The following NOM1 variants were observed in gnomAD, a reference collection of about 807,000 sequenced individuals.
The protein encoded by NOM1 is nucleolar MIF4G domain-containing protein 1.
NOM1 carries 58 observed loss-of-function variants against 73.3 expected under a neutral mutation model. The ratio of observed to expected loss-of-function variants is 0.79; its 90% CI spans 0.64 to 0.99. The LOEUF is 0.99. NOM1 is among the 50% of genes least tolerant of loss of function. NOM1 has a pLI of 0.00. For synonymous variants in NOM1, 487 were observed against 446.8 expected (o/e 1.09, Z -1.14); for missense variants, 1,226 against 1,131.9 (o/e 1.08, Z -1.19).
At chr7:156,965,451 G>A (rs1440119679) in intron 7 of NOM1, among the ~76,000 whole-genome samples, 1 of 152,248 alleles carries the variant, frequency 6.6e-6, no homozygotes, top group African/African-American at 2.4e-5. Context: ...AGGGACAGAA[G>A]CAGATTAGCA....
In NOM1 at chr7:156,949,800, C is replaced by T. The variant is rs1356960717; in HGVS notation, c.63C>T (p.Arg21=). ...GCGGCTCCCAGGGACGCGTGGTCCG[C>T]ATGAAGCGCAGAGGCGGGCGCGGGC... ...GPGGSQGRVV[R]MKRRGGRGPR... Residue 21 remains arginine (R), a synonymous_variant, in exon 1 of 11, where the codon CGC becomes CGT. Transcript: ENST00000275820. 2.1e-6 allele frequency: 3 copies of T among 1,431,142 alleles called. No homozygotes were observed. The highest frequency in any genetic ancestry group is 1.5e-5 in the African/African-American group (1 of 67,206). 88.7% of individuals were successfully genotyped at this position (1,431,142 alleles called of 1,614,324 possible). A position where few individuals can be genotyped will look rare whatever the true frequency, so the allele number is the denominator to read the frequency against.
Position 156,959,863 on chromosome 7 carries a change from T to G in NOM1, c.1321T>G (p.Phe441Val), listed in dbSNP as rs375611025. ...GTGGTTCTTTCAGGTCGGTGCCCAC[T>G]TTCTGGAGGCAGTGGTGAGGAAGTT... ...HTVGIEVGAH[F>V]LEAVVRKFDA... The change falls in exon 4 of 11, where the codon TTT becomes GTT. Residue 441 changes from phenylalanine (F) to valine (V), a missense_variant. Coordinates refer to ENST00000275820, the MANE Select transcript of NOM1 (RefSeq NM_138400.2). 53 of 1,614,162 alleles carry G rather than the reference T, an allele frequency of 3.3e-5. No homozygotes were observed. In the Middle Eastern group the frequency reaches 4.3e-3, roughly 131 times the overall value.
intron 3 of NOM1, among the ~76,000 whole-genome samples, chr7:156,958,045 G>A (rs1292563159): frequency 3.3e-5 from 5 of 152,204 alleles, no homozygotes; most frequent in Non-Finnish European, 7.3e-5. Flanking sequence ...AAGTCACTGT[G>A]GCCTCCCGCC....
intron 10 of NOM1, 51 bp downstream of exon 10, chr7:156,969,247 G>A (rs1046167331): frequency 8.9e-6 from 9 of 1,008,216 alleles, no homozygotes; most frequent in African/African-American, 3.2e-5. Context: ...TGAAGAGATT[G>A]TTTTCACTTG....
rs762681963 is a variant in NOM1 at position 156,959,948 on chromosome 7, T to C, written c.1406T>C (p.Ile469Thr). 2 of 1,613,578 alleles carry C rather than the reference T, an allele frequency of 1.2e-6. No individual in the cohort carries two copies. The change falls in exon 4 of 11, where the codon ATT becomes ACT. Residue 469 changes from isoleucine to threonine, a missense_variant. Ile to Thr is a moderately conservative substitution (Grantham distance 89, BLOSUM62 -1). Coordinates refer to ENST00000275820, the MANE Select transcript of NOM1 (RefSeq NM_138400.2). ...GAGTGTGACAACCTGTTCACCGTCATTGCCCATTTATACAACTTCCACGTG... is the reference window on the plus strand; with the variant it reads ...GAGTGTGACAACCTGTTCACCGTCACTGCCCATTTATACAACTTCCACGTG... ...GKECDNLFTV[I>T]AHLYNFHVVQ... is the part of the protein sequence containing the mutation.
intron 4 of NOM1, among the ~76,000 whole-genome samples, chr7:156,960,660 A>G (rs555652099): frequency 2.0e-5 from 3 of 152,314 alleles, no homozygotes; most frequent in Admixed American, 1.3e-4. Context: ...GCATCACAAG[A>G]GAAAAAGGCA....
rs751036456 is a variant in NOM1, at chr7:156,959,896, A to G, written c.1354A>G (p.Ile452Val). Residue 452 changes from isoleucine (I) to valine (V), a missense_variant, in exon 4 of 11, where the codon ATC (isoleucine) becomes GTC (valine). Physicochemically the swap from Ile to Val is conservative, Grantham distance 29. Coordinates refer to ENST00000275820, the MANE Select transcript of NOM1 (RefSeq NM_138400.2). Reference protein sequence around the residue: ...LEAVVRKFDAIYKYGSEGKEC... With the variant: ...LEAVVRKFDAVYKYGSEGKEC... The stretch of plus-strand genomic sequence containing the variant: ...GGCAGTGGTGAGGAAGTTCGATGCC[A>G]TCTATAAATACGGAAGCGAAGGGAA... 6.2e-7 allele frequency: 1 copy of G among 1,614,224 alleles called. No homozygotes were observed. The highest frequency in any genetic ancestry group is 1.1e-5 in the South Asian group (1 of 91,088).
intron 3 of NOM1, among the ~76,000 whole-genome samples, chr7:156,955,228 G>T (rs906019553): frequency 6.6e-6 from 1 of 152,156 alleles, no homozygotes; most frequent in Middle Eastern, 3.2e-3. Flanking sequence ...GATGGCCTTG[G>T]TTCCACAGTC....
chr7:156,969,038 G>A (rs1805075245), intron 9 of NOM1, 49 bp from the exon 10 acceptor site: 2 of 973,216 alleles, frequency 2.1e-6, no homozygotes, highest in Non-Finnish European at 3.3e-6. Flanking sequence ...CATTGAAAAA[G>A]TTGGCTAAAT....
chr7:156,963,849 G>A (rs922453274), intron 6 of NOM1, 56 bp from the exon 7 acceptor site: 50 of 1,577,442 alleles, frequency 3.2e-5, no homozygotes, highest in Middle Eastern at 1.7e-4. Flanking sequence ...GGCACCTCTC[G>A]GGAGGCAGTT....
In NOM1 at chr7:156,954,162, A is replaced by G. The variant is rs770196947; in HGVS notation, c.1172A>G (p.His391Arg). 51 of 1,613,728 alleles carry G rather than the reference A, an allele frequency of 3.2e-5. No homozygotes were observed. Among genetic ancestry groups the G allele is most frequent in the Non-Finnish European group, 4.3e-5 (51 of 1,179,878 alleles). ...SGQLEELYMA[H>R]SRKDMNDTLT... The stretch of plus-strand genomic sequence containing the variant: ...CAGCTGGAGGAACTGTACATGGCCC[A>G]CAGCAGAAAGGACATGAATGACACC... Residue 391 changes from histidine (H) to arginine (R), a missense_variant, in exon 3 of 11, where the codon CAC (histidine) becomes CGC (arginine). His to Arg is a conservative substitution (Grantham distance 29, BLOSUM62 0). Transcript: ENST00000275820.
rs1457259559 is a variant in NOM1, at chr7:156,969,082, A to G, written c.2299-5A>G. On this transcript the variant is annotated splice_polypyrimidine_tract_variant and splice_region_variant and intron_variant, in intron 9 of 10. Transcript: ENST00000275820. Reference sequence around the variant, plus strand: ...CTTTATTTTTCTCCATGTCCTGACCATTAGGTAGTTGAATTCAGTGAATTG... The same window carrying G: ...CTTTATTTTTCTCCATGTCCTGACCGTTAGGTAGTTGAATTCAGTGAATTG... The G allele has an allele frequency of 3.4e-6, 5 of 1,449,870 alleles. No individual in the cohort carries two copies. Among genetic ancestry groups the G allele is most frequent in the Middle Eastern group, 1.7e-4 (1 of 5,738 alleles). 89.8% of individuals were successfully genotyped at this position (1,449,870 alleles called of 1,614,324 possible). A position where few individuals can be genotyped will look rare whatever the true frequency, so the allele number is the denominator to read the frequency against.
chr7:156,954,338 C>G lies in NOM1; in HGVS notation c.1308+40C>G, dbSNP rs756916288. The G allele has an allele frequency of 2.7e-6, 4 of 1,504,848 alleles. No homozygotes were observed. In the African/African-American group the frequency reaches 5.6e-5, roughly 21 times the overall value. The allele number at this position is 1,504,848 out of a possible 1,614,324, so 93.2% of individuals were successfully genotyped here. A position where few individuals can be genotyped will look rare whatever the true frequency, so the allele number is the denominator to read the frequency against. Reference sequence around the variant, plus strand: ...TTTCTCCAGGCTGTCACTAGTGTCTCATGGTGATTATTTTAATGATAGGCT... The same window carrying G: ...TTTCTCCAGGCTGTCACTAGTGTCTGATGGTGATTATTTTAATGATAGGCT... On this transcript the variant is annotated intron_variant, in intron 3 of 10. Transcript: ENST00000275820.
chr7:156,957,824 T>C (rs1804766516), intron 3 of NOM1, among the ~76,000 whole-genome samples: 1 of 151,272 alleles, frequency 6.6e-6, no homozygotes, highest in Non-Finnish European at 1.5e-5. Flanking sequence ...TACATGAATA[T>C]GTTTTATGCC....
Position 156,966,301 on chromosome 7 carries a change from A to G in NOM1, c.2065A>G (p.Ile689Val), listed in dbSNP as rs1221193392. 6.2e-7 allele frequency: 1 copy of G among 1,614,152 alleles called. No homozygotes were observed. The highest frequency in any genetic ancestry group is 8.5e-7 in the Non-Finnish European group (1 of 1,180,048). ...ACTTAAGGATCAGCAGGAGAGAGAAATCATTCACGTTCTCATGGATTGCTG... is the reference window on the plus strand; with the variant it reads ...ACTTAAGGATCAGCAGGAGAGAGAAGTCATTCACGTTCTCATGGATTGCTG... ...LGLKDQQEREIIHVLMDCCLQ... is the reference protein window; with the variant it reads ...LGLKDQQEREVIHVLMDCCLQ... The change falls in exon 8 of 11, where the codon ATC becomes GTC. Residue 689 changes from isoleucine to valine, a missense_variant. Ile to Val is a conservative substitution (Grantham distance 29). Transcript: ENST00000275820.
intron 6 of NOM1, 90 bp downstream of exon 6, chr7:156,963,265 G>A (rs777795377): frequency 2.2e-6 from 3 of 1,341,236 alleles, no homozygotes; most frequent in Non-Finnish European, 2.1e-6. Flanking sequence ...CTCTCTTACT[G>A]TTCTTGAATG....
At chr7:156,960,275 C>A in intron 4 of NOM1, 101 bp downstream of exon 4, 1 of 948,884 alleles carries the variant, frequency 1.1e-6, no homozygotes. Context: ...ACTTGCTTTC[C>A]TAGTGATTTC....
intron 3 of NOM1, among the ~76,000 whole-genome samples, chr7:156,957,774 CAAAAAAAAAA>C (rs10549596): frequency 8.7e-6 from 1 of 115,542 alleles, no homozygotes; most frequent in South Asian, 3.0e-4. Flanking sequence ...GACTCCGTCT[CAAAAAAAAAA>C]AAAAAAAAAA....
rs561047627 is a variant in NOM1, at chr7:156,963,082, G to T, written c.1818G>T (p.Thr606=). The T allele has an allele frequency of 3.1e-6, 5 of 1,614,170 alleles. No homozygotes were observed. The highest frequency in any genetic ancestry group is 3.4e-6 in the Non-Finnish European group (4 of 1,180,022). ...ACAGTGTCTTGAGTGCGGAGCAGAC[G>T]GGTCGCTGGTGGATTGTGGGGTCCG... ...SWDSVLSAEQ[T]GRWWIVGSAW... Residue 606 remains threonine, a synonymous_variant, in exon 6 of 11, where the codon ACG becomes ACT. Transcript: ENST00000275820.
Sources: gnomAD v4.1 joint callset for allele counts (sites outside exome capture counted in the v4.1 genomes callset) on GRCh38, gnomAD v4.1.1 for gene constraint, MANE v1.5 for transcripts, NCBI Gene and HGNC (gene_info 2026-07-23, HGNC 2026-07-21) for gene names.